DYM: variants seen among roughly 807,000 people sequenced by gnomAD.
The protein encoded by DYM is dyggve-Melchior-Clausen syndrome protein.
DYM carries 78 observed loss-of-function variants against 93.1 expected under a neutral mutation model. The ratio of observed to expected loss-of-function variants is 0.84; its 90% CI spans 0.70 to 1.01. DYM has a LOEUF of 1.01. Among genes scored for constraint, DYM ranks in the 50% least tolerant of loss-of-function variants. The pLI is 0.00. For synonymous variants in DYM, 321 were observed against 319.7 expected, an observed-to-expected ratio of 1.00 and a Z score of -0.04; for missense variants, 789 against 845.0, an observed-to-expected ratio of 0.93 and a Z score of 0.82.
intron 17 of DYM, among the ~76,000 whole-genome samples, chr18:49,093,589 T>C (rs569079677): frequency 4.6e-5 from 7 of 152,284 alleles, no homozygotes; most frequent in African/African-American, 1.7e-4. Context: ...GGGTTTGGGA[T>C]CTAACAGTAC....
At chr18:49,286,299 A>G in intron 9 of DYM, 135 bp downstream of exon 9, 1 of 1,008,746 alleles carries the variant, frequency 9.9e-7, no homozygotes. Flanking sequence ...AGGAAAAGCT[A>G]AAGTTTTTCT....
chr18:49,066,583 TCTC>T (rs1314747411), intron 17 of DYM, among the ~76,000 whole-genome samples: 1 of 152,162 alleles, frequency 6.6e-6, no homozygotes, highest in Non-Finnish European at 1.5e-5. Context: ...TTCTTACACA[TCTC>T]CTCGTGTGCA....
At chr18:49,218,372 C>G (rs1377300992) in intron 13 of DYM, among the ~76,000 whole-genome samples, 1 of 152,148 alleles carries the variant, frequency 6.6e-6, no homozygotes, top group Non-Finnish European at 1.5e-5. Context: ...CAAGGATATC[C>G]AGGAATTGAA....
chr18:49,210,871 G>C (rs1809113954), intron 13 of DYM, among the ~76,000 whole-genome samples: 1 of 152,114 alleles, frequency 6.6e-6, no homozygotes, highest in African/African-American at 2.4e-5. Context: ...GGGAGAAAAG[G>C]CATACTCACT....
At chr18:49,198,217 T>C (rs373732842) in intron 14 of DYM, among the ~76,000 whole-genome samples, 5 of 152,158 alleles carry the variant, frequency 3.3e-5, no homozygotes, top group African/African-American at 4.8e-5. Flanking sequence ...TTACACCTTA[T>C]ACAAAAATTA....
Position 49,221,027 on chromosome 18 carries a change from G to A in DYM, c.1461-11312C>T, listed in dbSNP as rs979680032. Among the ~76,000 whole-genome samples the A allele has an allele frequency of 1.4e-3, 209 of 152,002 alleles. 1 individual carries two copies. The highest frequency in any genetic ancestry group is 4.5e-3 in the African/African-American group (185 of 41,456). ...CTCATCTGACAAAGGGCTAATATCC[G>A]GAATCTACAAAGAACTCAAACAAAT... On this transcript the variant is annotated intron_variant, in intron 13 of 17. Coordinates refer to ENST00000675505, the MANE Select transcript of DYM (RefSeq NM_001353214.3).
intron 13 of DYM, among the ~76,000 whole-genome samples, chr18:49,235,549 A>G (rs2093833710): frequency 6.6e-6 from 1 of 152,204 alleles, no homozygotes. Context: ...ATATGGTGTG[A>G]TACTTCAAAC....
At chr18:49,096,664 G>C (rs561431401) in intron 17 of DYM, among the ~76,000 whole-genome samples, 48 of 152,262 alleles carry the variant, frequency 3.2e-4, no homozygotes, top group Admixed American at 5.2e-4. Context: ...TTTCTTATGG[G>C]ATAATTAGTC....
At chr18:49,437,981 G>A (rs1295856333) in intron 1 of DYM, among the ~76,000 whole-genome samples, 1 of 152,084 alleles carries the variant, frequency 6.6e-6, no homozygotes, top group Non-Finnish European at 1.5e-5. Context: ...GATTGCTTGA[G>A]CCCAGGAGTA....
rs59640889 is a variant in DYM at position 49,324,138 on chromosome 18, CAAAAAAAA to C, written c.763+7718_763+7725del. On this transcript the variant is annotated intron_variant, in intron 8 of 17. Transcript: ENST00000675505. ...TGACAGAGCCAGATAGGCTCTGTCT[CAAAAAAAA>C]AAAAAAAAAAAAAAAAAAAAAAATC... Among the ~76,000 whole-genome samples, 20 of 54,440 alleles carry C rather than the reference CAAAAAAAA, an allele frequency of 3.7e-4. No homozygotes were observed. The South Asian group carries it at 7.9e-3, about 22-fold the overall frequency. The allele number at this position is 54,440 out of a possible 152,430, so 35.7% of individuals were successfully genotyped here. A position where few individuals can be genotyped will look rare whatever the true frequency, so the allele number is the denominator to read the frequency against.
At position 49,143,851 on chromosome 18, in the gene DYM, G is replaced by A. The variant is rs185675812; in HGVS notation, c.1728+19834C>T. On this transcript the variant is annotated intron_variant, in intron 15 of 17. Coordinates refer to ENST00000675505, the MANE Select transcript of DYM (RefSeq NM_001353214.3). Reference sequence around the variant, plus strand: ...AGCCCATCAACTCATGGCTAATCTTGTTTCCTTATACTCATTCATTTCCTC... The same window carrying A: ...AGCCCATCAACTCATGGCTAATCTTATTTCCTTATACTCATTCATTTCCTC... 3.0e-4 allele frequency among the ~76,000 whole-genome samples: 46 copies of A among 152,140 alleles called. 1 individual carries two copies. The East Asian group carries it at 5.6e-3, about 19-fold the overall frequency.
chr18:49,323,462 A>G (rs370116837), intron 8 of DYM, among the ~76,000 whole-genome samples: 9 of 152,202 alleles, frequency 5.9e-5, no homozygotes, highest in African/African-American at 1.9e-4. Context: ...TCTTGAAGCC[A>G]CAGGTCTCAA....
intron 13 of DYM, among the ~76,000 whole-genome samples, chr18:49,222,070 T>C (rs998471274): frequency 2.0e-5 from 3 of 151,922 alleles, no homozygotes; most frequent in Non-Finnish European, 2.9e-5. Flanking sequence ...ATATACTCAG[T>C]GGGTTATATT....
intron 13 of DYM, among the ~76,000 whole-genome samples, chr18:49,234,835 A>G (rs1429260841): frequency 6.6e-6 from 1 of 152,246 alleles, no homozygotes; most frequent in Admixed American, 6.5e-5. Flanking sequence ...AGTCAGAGAC[A>G]TGTGGCAGAA....
intron 4 of DYM, among the ~76,000 whole-genome samples, chr18:49,379,291 A>G (rs1368457233): frequency 6.6e-6 from 1 of 152,150 alleles, no homozygotes; most frequent in Non-Finnish European, 1.5e-5. Flanking sequence ...TGTAAAGAAT[A>G]TAACGGAAAT....
At chr18:49,167,961 TTATC>T (rs2088125398) in intron 14 of DYM, among the ~76,000 whole-genome samples, 1 of 152,144 alleles carries the variant, frequency 6.6e-6, no homozygotes, top group Non-Finnish European at 1.5e-5. Flanking sequence ...CAATTTAAAA[TTATC>T]TAATGCTACA....
chr18:49,214,349 T>C (rs1458542977), intron 13 of DYM, among the ~76,000 whole-genome samples: 1 of 152,254 alleles, frequency 6.6e-6, no homozygotes, highest in South Asian at 2.1e-4. Flanking sequence ...GAACTGCACA[T>C]GCGAGGAATT....
intron 8 of DYM, among the ~76,000 whole-genome samples, chr18:49,317,669 C>CTTCCTTCG (rs2062106279): frequency 8.3e-6 from 1 of 119,964 alleles, no homozygotes; most frequent in South Asian, 3.2e-4. Flanking sequence ...TCCTTCCTTC[C>CTTCCTTCG]TTCCTTCCTT....
rs374034604 is a variant in DYM at position 49,378,844 on chromosome 18, C to T, written c.288-144G>A. ...GGATAATGTCCATATCTTTTAATGG[C>T]TCATGATTTATTTCATTGTACCAGT... On this transcript the variant is annotated intron_variant, in intron 4 of 17. Transcript: ENST00000675505. 229 of 756,890 alleles carry T rather than the reference C, an allele frequency of 3.0e-4. 1 individual carries two copies. In the South Asian group the frequency reaches 3.7e-3, roughly 12 times the overall value. The allele number at this position is 756,890 out of a possible 1,614,324, so 46.9% of individuals were successfully genotyped here.
Sources: gnomAD v4.1 joint callset for allele counts (sites outside exome capture counted in the v4.1 genomes callset) on GRCh38, gnomAD v4.1.1 for gene constraint, MANE v1.5 for transcripts, NCBI Gene and HGNC (gene_info 2026-07-23, HGNC 2026-07-21) for gene names.